The following HELZ variants were observed in gnomAD, a reference collection of about 807,000 sequenced individuals.
HELZ encodes the protein helicase with zinc finger.
In HELZ, 23 loss-of-function variants were observed where a neutral mutation model predicts 218.2. The observed-to-expected ratio is 0.11, with a 90% confidence interval of 0.08 to 0.15. The LOEUF (loss-of-function observed/expected upper bound fraction) is 0.15, where lower values mean the gene tolerates loss of function less well. Ranked by LOEUF, HELZ falls within the 10% of genes least tolerant of loss-of-function variation. HELZ has a pLI of 1.00. For synonymous variants in HELZ, 814 were observed against 829.4 expected, an observed-to-expected ratio of 0.98 and a Z score of 0.32; for missense variants, 1,813 against 2,353.7, an observed-to-expected ratio of 0.77 and a Z score of 4.75.
intron 3 of HELZ, among the ~76,000 whole-genome samples, chr17:67,231,501 G>T (rs1235640364): frequency 6.6e-6 from 1 of 151,400 alleles, no homozygotes; most frequent in Non-Finnish European, 1.5e-5. Flanking sequence ...GTTGAGGAAG[G>T]AGAATGGCGT....
intron 3 of HELZ, among the ~76,000 whole-genome samples, chr17:67,228,194 C>G (rs1291767428): frequency 6.6e-6 from 1 of 152,016 alleles, no homozygotes; most frequent in Non-Finnish European, 1.5e-5. Flanking sequence ...TAATCAGACC[C>G]CAAGATATCT....
At chr17:67,234,148 C>G (rs190274222) in intron 3 of HELZ, among the ~76,000 whole-genome samples, 161 of 151,118 alleles carry the variant, frequency 1.1e-3, no homozygotes, top group Non-Finnish European at 3.1e-4. Flanking sequence ...CGTGGGAGAC[C>G]CCCATCTCTA....
At position 67,231,542 on chromosome 17, in the gene HELZ, G is replaced by A. The variant is rs150993953; in HGVS notation, c.-19+7891C>T. Among the ~76,000 whole-genome samples the A allele has an allele frequency of 5.7e-3, 837 of 147,268 alleles. 8 individuals are homozygous for A. Among genetic ancestry groups the A allele is most frequent in the African/African-American group, 0.02 (797 of 39,706 alleles). On this transcript the variant is annotated intron_variant, in intron 3 of 32. Coordinates refer to ENST00000358691, the MANE Select transcript of HELZ (RefSeq NM_014877.4). Reference sequence around the variant, plus strand: ...CGGGAGGCGGAGCTTGCAGTGAGCCGAGATCATGCCACTGAACTCCACCCT... The same window carrying A: ...CGGGAGGCGGAGCTTGCAGTGAGCCAAGATCATGCCACTGAACTCCACCCT...
chr17:67,145,356 T>G (rs144955414), intron 21 of HELZ, among the ~76,000 whole-genome samples: 6 of 152,234 alleles, frequency 3.9e-5, no homozygotes, highest in African/African-American at 1.4e-4. Context: ...TGTGATCTCT[T>G]TGGAGCATAG....
intron 7 of HELZ, among the ~76,000 whole-genome samples, chr17:67,196,662 T>C (rs572991581): frequency 1.3e-5 from 2 of 150,450 alleles, no homozygotes; most frequent in East Asian, 3.9e-4. Context: ...GGGTAGGTGG[T>C]TGGGTGGGTG....
chr17:67,116,855 C>T (rs1422723613), intron 27 of HELZ, among the ~76,000 whole-genome samples: 1 of 151,994 alleles, frequency 6.6e-6, no homozygotes, highest in Non-Finnish European at 1.5e-5. Flanking sequence ...ACCTAATTAA[C>T]ATTTGTTTTT....
chr17:67,135,205 G>T, intron 23 of HELZ, among the ~76,000 whole-genome samples: 1 of 152,146 alleles, frequency 6.6e-6, no homozygotes, highest in East Asian at 1.9e-4. Context: ...TAATGACCAC[G>T]TCTAACCCCC....
chr17:67,189,809 A>T, intron 10 of HELZ, 113 bp from the exon 11 acceptor site: 1 of 703,412 alleles, frequency 1.4e-6, no homozygotes, highest in Non-Finnish European at 2.5e-6. Flanking sequence ...CTGTTTACAG[A>T]CCAAAGTATT....
chr17:67,079,937 T>A (rs1480522222), intron 32 of HELZ, among the ~76,000 whole-genome samples: 1 of 152,200 alleles, frequency 6.6e-6, no homozygotes, highest in Non-Finnish European at 1.5e-5. Context: ...TCTTTTGTCA[T>A]ATGTTGCAAA....
chr17:67,212,335 A>AAAAAAAAAAAAT (rs2040478644), intron 5 of HELZ, among the ~76,000 whole-genome samples: 1 of 146,138 alleles, frequency 6.8e-6, no homozygotes. Flanking sequence ...AAAAAAAAAA[A>AAAAAAAAAAAAT]GGCTACACTG....
At chr17:67,139,411 G>A (rs2038253214) in intron 21 of HELZ, among the ~76,000 whole-genome samples, 1 of 152,076 alleles carries the variant, frequency 6.6e-6, no homozygotes, top group African/African-American at 2.4e-5. Context: ...TTAGATGTGG[G>A]GATAGATGAG....
intron 21 of HELZ, among the ~76,000 whole-genome samples, chr17:67,145,361 G>C (rs1330698784): frequency 6.6e-6 from 1 of 152,180 alleles, no homozygotes; most frequent in Non-Finnish European, 1.5e-5. Context: ...TCTCTTTGGA[G>C]CATAGAATTC....
chr17:67,111,043 T>C (rs2037265792), intron 28 of HELZ, among the ~76,000 whole-genome samples: 1 of 152,216 alleles, frequency 6.6e-6, no homozygotes, highest in African/African-American at 2.4e-5. Flanking sequence ...TAACAGTTTA[T>C]GCAAAGGTTG....
intron 17 of HELZ, among the ~76,000 whole-genome samples, chr17:67,153,914 A>T (rs1011833248): frequency 2.6e-5 from 4 of 152,248 alleles, no homozygotes; most frequent in Non-Finnish European, 5.9e-5. Flanking sequence ...CAGCTTCCAA[A>T]AAAGTTTAAG....
In HELZ at chr17:67,239,787, A is replaced by C. The variant is rs188249638; in HGVS notation, c.-75-298T>G. On this transcript the variant is annotated intron_variant, in intron 2 of 32. Coordinates refer to ENST00000358691, the MANE Select transcript of HELZ (RefSeq NM_014877.4). ...AAAATAAGTCACTTAGACTAGCTAG[A>C]GAAAGAAGAGCACAGGCTTTCCAGG... 9 of 152,360 alleles carry C rather than the reference A, an allele frequency of 5.9e-5. 1 individual carries two copies. The highest frequency in any genetic ancestry group is 5.2e-4 in the Admixed American group (8 of 15,306). The allele number at this position is 152,360 out of a possible 1,614,324, so 9.4% of individuals were successfully genotyped here.
chr17:67,125,541 C>G (rs867146734), intron 24 of HELZ, among the ~76,000 whole-genome samples: 1 of 151,432 alleles, frequency 6.6e-6, no homozygotes, highest in Non-Finnish European at 1.5e-5. Flanking sequence ...AAAACGGTGA[C>G]AAACCATTTA....
intron 12 of HELZ, among the ~76,000 whole-genome samples, chr17:67,181,466 A>T (rs1241649341): frequency 6.6e-6 from 1 of 152,226 alleles, no homozygotes; most frequent in African/African-American, 2.4e-5. Context: ...TAGTACCCTG[A>T]TTCCCACCTG....
At position 67,243,806 on chromosome 17, in the gene HELZ, T is replaced by C. The variant is rs2041391986; in HGVS notation, c.-98A>G. On this transcript the variant is annotated 5_prime_UTR_variant, in exon 2 of 33. Coordinates refer to ENST00000358691, the MANE Select transcript of HELZ (RefSeq NM_014877.4). ...CACCTTACACATCTCACCAGCACTGTAGTTCATTAGTGATCCATTACTTCA... is the reference window on the plus strand; with the variant it reads ...CACCTTACACATCTCACCAGCACTGCAGTTCATTAGTGATCCATTACTTCA... 1 of 157,808 alleles carries C rather than the reference T, an allele frequency of 6.3e-6. No homozygotes were observed. The highest frequency in any genetic ancestry group is 1.4e-5 in the Non-Finnish European group (1 of 73,176). 9.8% of individuals were successfully genotyped at this position (157,808 alleles called of 1,614,324 possible). A position where few individuals can be genotyped will look rare whatever the true frequency, so the allele number is the denominator to read the frequency against.
At position 67,244,748 on chromosome 17, in the gene HELZ, G is replaced by A. The variant is rs532619677; in HGVS notation, c.-132+400C>T. 2.6e-5 allele frequency: 26 copies of A among 984,408 alleles called. 1 individual carries two copies. In the South Asian group the frequency reaches 9.9e-4, roughly 37 times the overall value. The allele number at this position is 984,408 out of a possible 1,614,324, so 61.0% of individuals were successfully genotyped here. On this transcript the variant is annotated intron_variant, in intron 1 of 32. Coordinates refer to ENST00000358691, the MANE Select transcript of HELZ (RefSeq NM_014877.4). Reference sequence around the variant, plus strand: ...GCATCGAGCGGGGCGTGGGAGGCCCGCACGCTCCCCACCCCCAGCCGCGAC... The same window carrying A: ...GCATCGAGCGGGGCGTGGGAGGCCCACACGCTCCCCACCCCCAGCCGCGAC...
Sources: gnomAD v4.1 joint callset for allele counts (sites outside exome capture counted in the v4.1 genomes callset) on GRCh38, gnomAD v4.1.1 for gene constraint, MANE v1.5 for transcripts, NCBI Gene and HGNC (gene_info 2026-07-23, HGNC 2026-07-21) for gene names.